RABGAP1L: variants seen among roughly 807,000 people sequenced by gnomAD.
The protein encoded by RABGAP1L is RAB GTPase activating protein 1 like.
In RABGAP1L, 63 loss-of-function variants were observed where a neutral mutation model predicts 137.7. The ratio of observed to expected loss-of-function variants is 0.46; its 90% CI spans 0.37 to 0.56. The LOEUF (loss-of-function observed/expected upper bound fraction) is 0.56. Ranked by LOEUF, RABGAP1L falls within the 20% of genes least tolerant of loss-of-function variation. RABGAP1L has a pLI of 0.00. For synonymous variants in RABGAP1L, 431 were observed against 433.7 expected, an observed-to-expected ratio of 0.99 and a Z score of 0.08; for missense variants, 1,095 against 1,244.0, an observed-to-expected ratio of 0.88 and a Z score of 1.80.
chr1:174,877,330 C>CT (rs1028865791), intron 19 of RABGAP1L: 1,108 of 1,346,926 alleles, frequency 8.2e-4, no homozygotes, highest in Non-Finnish European at 9.2e-4. Flanking sequence ...ATAGCAGCCG[C>CT]TTTTTTTTTC....
At chr1:174,838,717 C>T (rs903694468) in intron 19 of RABGAP1L, among the ~76,000 whole-genome samples, 2 of 151,426 alleles carry the variant, frequency 1.3e-5, no homozygotes, top group Admixed American at 6.6e-5. Flanking sequence ...ATCACGAGGT[C>T]AGGGGATCGA....
chr1:174,919,428 T>C (rs1382246167), intron 19 of RABGAP1L, among the ~76,000 whole-genome samples: 1 of 152,246 alleles, frequency 6.6e-6, no homozygotes, highest in East Asian at 1.9e-4. Context: ...CCGTATGTCT[T>C]GAGCTTCTTC....
rs907431813 is a variant in RABGAP1L, at chr1:174,635,382, C to T, written c.1711-1993C>T. On this transcript the variant is annotated intron_variant, in intron 13 of 25. Coordinates refer to ENST00000681986, the MANE Select transcript of RABGAP1L (RefSeq NM_001366446.1). ...TTATAAGTGGAAACTATTAACTTAT[C>T]GGAAGAGAGCTCTTCTGTTGGAGAA... 3.9e-5 allele frequency among the ~76,000 whole-genome samples: 6 copies of T among 152,132 alleles called. 1 individual carries two copies. Among genetic ancestry groups the T allele is most frequent in the Admixed American group, 1.3e-4 (2 of 15,276 alleles).
chr1:174,982,737 G>A (rs1022833348), intron 23 of RABGAP1L, 97 bp from the exon 24 acceptor site: 1 of 1,202,246 alleles, frequency 8.3e-7, no homozygotes, highest in East Asian at 2.6e-5. Flanking sequence ...TCTAGGATCA[G>A]ATGTGCTAGC....
intron 10 of RABGAP1L, among the ~76,000 whole-genome samples, chr1:174,296,519 G>C (rs536545728): frequency 6.6e-6 from 1 of 152,182 alleles, no homozygotes; most frequent in African/African-American, 2.4e-5. Context: ...TAGGAATTGC[G>C]TAACAGATAT....
chr1:174,770,899 T>A lies in RABGAP1L; in HGVS notation c.2211+18545T>A, dbSNP rs1196879917. On this transcript the variant is annotated intron_variant, in intron 18 of 25. Transcript: ENST00000681986. ...GGTTAGATGTCAGGGGATACAGAGA[T>A]GACATTCTGTGTCCTGAAGTTGTCA... Among the ~76,000 whole-genome samples the A allele has an allele frequency of 3.3e-5, 5 of 152,216 alleles. No homozygotes were observed. The East Asian group carries it at 9.6e-4, about 29-fold the overall frequency.
At chr1:174,616,098 A>C (rs968031905) in intron 13 of RABGAP1L, among the ~76,000 whole-genome samples, 1 of 152,160 alleles carries the variant, frequency 6.6e-6, no homozygotes, top group African/African-American at 2.4e-5. Context: ...TCCTGTGCCC[A>C]CTGTCTGGCA....
At chr1:174,959,949 A>G (rs952022091) in intron 20 of RABGAP1L, among the ~76,000 whole-genome samples, 3 of 152,198 alleles carry the variant, frequency 2.0e-5, no homozygotes, top group Non-Finnish European at 4.4e-5. Context: ...CCTATGAAGA[A>G]TAAGATCTCT....
chr1:174,762,278 C>T (rs918956203), intron 18 of RABGAP1L, among the ~76,000 whole-genome samples: 2 of 152,098 alleles, frequency 1.3e-5, no homozygotes, highest in Non-Finnish European at 2.9e-5. Flanking sequence ...CTCAACTGCC[C>T]CTTCCCTCCC....
intron 14 of RABGAP1L, among the ~76,000 whole-genome samples, chr1:174,647,656 G>C (rs959823977): frequency 3.9e-5 from 6 of 152,026 alleles, no homozygotes; most frequent in Admixed American, 1.3e-4. Flanking sequence ...GGGGGTATTG[G>C]CCTGAAATTT....
At chr1:174,629,003 T>A (rs1237297729) in intron 13 of RABGAP1L, among the ~76,000 whole-genome samples, 2 of 152,208 alleles carry the variant, frequency 1.3e-5, no homozygotes, top group Non-Finnish European at 1.5e-5. Flanking sequence ...TTGTCCTTCC[T>A]CTTTCTTCAT....
At chr1:174,290,117 C>T (rs1032993375) in intron 10 of RABGAP1L, among the ~76,000 whole-genome samples, 1 of 152,140 alleles carries the variant, frequency 6.6e-6, no homozygotes, top group Non-Finnish European at 1.5e-5. Context: ...AACCTAGACA[C>T]CCAGTACTGC....
chr1:174,215,011 A>G (rs1669178729), intron 1 of RABGAP1L, among the ~76,000 whole-genome samples: 1 of 152,222 alleles, frequency 6.6e-6, no homozygotes. Context: ...TTAAAAAGGT[A>G]TCTGCACAAC....
At chr1:174,708,171 T>C (rs1447846182) in intron 17 of RABGAP1L, among the ~76,000 whole-genome samples, 1 of 152,256 alleles carries the variant, frequency 6.6e-6, no homozygotes, top group African/African-American at 2.4e-5. Flanking sequence ...TACTACATTA[T>C]TTGATTAAAT....
At chr1:174,521,240 A>G (rs1387506057) in intron 13 of RABGAP1L, among the ~76,000 whole-genome samples, 4 of 152,254 alleles carry the variant, frequency 2.6e-5, no homozygotes, top group Admixed American at 2.6e-4. Context: ...CAGATTATTT[A>G]GTAATATTCT....
At chr1:174,702,069 T>C in intron 16 of RABGAP1L, 44 bp from the exon 17 acceptor site, 1 of 1,580,852 alleles carries the variant, frequency 6.3e-7, no homozygotes, top group Non-Finnish European at 8.6e-7. Flanking sequence ...ATTGTTCTGC[T>C]GCAAGCTTCT....
chr1:174,291,577 C>T (rs749509799), intron 10 of RABGAP1L, among the ~76,000 whole-genome samples: 7 of 152,134 alleles, frequency 4.6e-5, no homozygotes, highest in Admixed American at 6.5e-5. Flanking sequence ...GTGAAACCAT[C>T]TGGGCCTATA....
intron 17 of RABGAP1L, among the ~76,000 whole-genome samples, chr1:174,732,200 C>CAA (rs555763731): frequency 2.3e-4 from 28 of 120,014 alleles, no homozygotes; most frequent in South Asian, 5.1e-4. Context: ...CCCATCCCCC[C>CAA]CAAAAAAAAA....
At chr1:174,614,055 A>G (rs189069355) in intron 13 of RABGAP1L, among the ~76,000 whole-genome samples, 4 of 152,324 alleles carry the variant, frequency 2.6e-5, no homozygotes, top group Non-Finnish European at 1.5e-5. Context: ...TATTCCATTT[A>G]CATGTAAAGT....
Sources: allele counts gnomAD v4.1 joint callset (sites outside exome capture counted in the v4.1 genomes callset), GRCh38; gene constraint gnomAD v4.1.1; transcripts MANE v1.5; gene names NCBI Gene and HGNC (gene_info 2026-07-23, HGNC 2026-07-21).